Variants in AKAP6 observed in about 807,000 individuals in gnomAD.
AKAP6 encodes the protein A-kinase anchoring protein 6, also known as A-kinase anchor protein 6.
In AKAP6, 58 loss-of-function variants were observed where a neutral mutation model predicts 188.5. The observed-to-expected ratio is 0.31, with a 90% confidence interval of 0.25 to 0.38. AKAP6 has a LOEUF of 0.38. Among genes scored for constraint, AKAP6 ranks in the 10% least tolerant of loss-of-function variants. The pLI is 1.00. For synonymous variants in AKAP6, 989 were observed against 998.6 expected (o/e 0.99, Z 0.18); for missense variants, 2,710 against 2,740.0 (o/e 0.99, Z 0.24).
intron 1 of AKAP6, among the ~76,000 whole-genome samples, chr14:32,345,501 G>A (rs1384443383): frequency 1.3e-5 from 2 of 152,220 alleles, no homozygotes; most frequent in African/African-American, 4.8e-5. Context: ...CCTCAGACAT[G>A]TTTGGGCATG....
chr14:32,516,508 A>C (rs1881527819), intron 2 of AKAP6, among the ~76,000 whole-genome samples: 1 of 152,174 alleles, frequency 6.6e-6, no homozygotes, highest in African/African-American at 2.4e-5. Context: ...GTTTCTTATA[A>C]ATACCTGTCC....
intron 9 of AKAP6, 58 bp downstream of exon 9, chr14:32,696,168 G>GTC (rs902218368): frequency 4.8e-4 from 719 of 1,512,176 alleles, no homozygotes; most frequent in South Asian, 6.7e-4. Context: ...AGCCTGACAA[G>GTC]TCTCTCTCTC....
chr14:32,414,265 G>C (rs898448973), intron 1 of AKAP6, among the ~76,000 whole-genome samples: 1 of 152,022 alleles, frequency 6.6e-6, no homozygotes. Context: ...GTTCCCCAAA[G>C]TGTATACCAG....
At chr14:32,524,258 G>A (rs944783626) in intron 2 of AKAP6, among the ~76,000 whole-genome samples, 1 of 152,108 alleles carries the variant, frequency 6.6e-6, no homozygotes, top group South Asian at 2.1e-4. Context: ...AATGATTGCT[G>A]TGCAAATCAG....
chr14:32,391,679 C>A (rs114354182), intron 1 of AKAP6, among the ~76,000 whole-genome samples: 182 of 152,248 alleles, frequency 1.2e-3, no homozygotes, highest in Middle Eastern at 6.8e-3. Context: ...GTGTGTGGAA[C>A]CTCTAACCCC....
chr14:32,747,288 C>T (rs2031950957), intron 11 of AKAP6, among the ~76,000 whole-genome samples: 1 of 152,140 alleles, frequency 6.6e-6, no homozygotes, highest in Admixed American at 6.5e-5. Context: ...AGCCATGATT[C>T]CTACAGGTGC....
rs1283926019 is a variant in AKAP6 at position 32,822,851 on chromosome 14, A to G, written c.5038A>G (p.Ile1680Val). 1 of 1,613,842 alleles carries G rather than the reference A, an allele frequency of 6.2e-7. No individual in the cohort carries two copies. The highest frequency in any genetic ancestry group is 8.5e-7 in the Non-Finnish European group (1 of 1,179,918). ...GQMSLDIASS[I>V]NEDSAASLTE... ...GATGTCATTGGACATAGCATCTTCT[A>G]TCAATGAAGACTCAGCGGCATCTCT... The change falls in exon 13 of 14, where the codon ATC becomes GTC. Residue 1680 changes from isoleucine to valine, a missense_variant. Transcript: ENST00000280979.
intron 8 of AKAP6, among the ~76,000 whole-genome samples, chr14:32,684,569 C>G (rs1889826403): frequency 6.6e-6 from 1 of 152,120 alleles, no homozygotes; most frequent in South Asian, 2.1e-4. Context: ...CATGCATTCA[C>G]TGTAGTCTAA....
At chr14:32,827,634 G>A (rs1426529964) in intron 13 of AKAP6, among the ~76,000 whole-genome samples, 1 of 152,170 alleles carries the variant, frequency 6.6e-6, no homozygotes, top group South Asian at 2.1e-4. Flanking sequence ...AAATAGAGGG[G>A]TCAGTTACAG....
intron 12 of AKAP6, among the ~76,000 whole-genome samples, chr14:32,791,510 G>A (rs2033609479): frequency 6.7e-6 from 1 of 150,300 alleles, no homozygotes; most frequent in Admixed American, 6.6e-5. Flanking sequence ...TGTAGATTCT[G>A]GGTATTAGCC....
rs146453517 is a variant in AKAP6 at position 32,568,626 on chromosome 14, A to G, written c.2347-8494A>G. Among the ~76,000 whole-genome samples the G allele has an allele frequency of 4.6e-5, 7 of 152,310 alleles. No homozygotes were observed. Among genetic ancestry groups the G allele is most frequent in the African/African-American group, 1.4e-4 (6 of 41,570 alleles). On this transcript the variant is annotated intron_variant, in intron 4 of 13. Transcript: ENST00000280979. The surrounding 1 kb of genome is among the most constrained non-coding windows in gnomAD (Gnocchi z 6.2). Reference sequence around the variant, plus strand: ...GGGTGCTTGAAGCAAGGTCTCACCTAGAGCAAGTCTGCCAAGCTTTGGGGC... The same window carrying G: ...GGGTGCTTGAAGCAAGGTCTCACCTGGAGCAAGTCTGCCAAGCTTTGGGGC...
At chr14:32,364,820 C>T (rs188508540) in intron 1 of AKAP6, among the ~76,000 whole-genome samples, 116 of 152,248 alleles carry the variant, frequency 7.6e-4, no homozygotes, top group Non-Finnish European at 1.5e-3. Flanking sequence ...AACAGCAAAT[C>T]GTGACAGCCA....
intron 9 of AKAP6, among the ~76,000 whole-genome samples, chr14:32,728,981 C>T (rs1040596262): frequency 9.9e-5 from 15 of 152,056 alleles, no homozygotes; most frequent in East Asian, 1.9e-4. Context: ...AAGATTCACT[C>T]GGTAGAGTCT....
At chr14:32,615,638 C>T (rs1412679605) in intron 7 of AKAP6, among the ~76,000 whole-genome samples, 3 of 143,322 alleles carry the variant, frequency 2.1e-5, no homozygotes, top group African/African-American at 8.4e-5. Flanking sequence ...CTCTGTCACC[C>T]AGGCTGGAGT....
chr14:32,434,364 A>C (rs1594609704), intron 2 of AKAP6, among the ~76,000 whole-genome samples: 1 of 152,370 alleles, frequency 6.6e-6, no homozygotes, highest in Middle Eastern at 3.4e-3. Flanking sequence ...GACATTTAAA[A>C]AAAAAGTCTG....
intron 12 of AKAP6, among the ~76,000 whole-genome samples, chr14:32,816,189 T>C (rs1244174300): frequency 6.6e-6 from 1 of 152,116 alleles, no homozygotes; most frequent in Non-Finnish European, 1.5e-5. Context: ...TGCTCTTATA[T>C]GGTTTGTTTG....
rs565908582 is a variant in AKAP6 at position 32,443,413 on chromosome 14, A to C, written c.324+9596A>C. On this transcript the variant is annotated intron_variant, in intron 2 of 13. Coordinates refer to ENST00000280979, the MANE Select transcript of AKAP6 (RefSeq NM_004274.5). ...ATCTCAAAACAAAACAAAACAAAAAAAAAACAAAAAAACAAAAAAACCCCA... is the reference window on the plus strand; with the variant it reads ...ATCTCAAAACAAAACAAAACAAAAACAAAACAAAAAAACAAAAAAACCCCA... 3.9e-4 allele frequency among the ~76,000 whole-genome samples: 59 copies of C among 151,714 alleles called. No homozygotes were observed. In the South Asian group the frequency reaches 5.0e-3, roughly 13 times the overall value.
chr14:32,732,740 T>G, intron 10 of AKAP6, 140 bp downstream of exon 10: 1 of 993,176 alleles, frequency 1.0e-6, no homozygotes, highest in Non-Finnish European at 1.5e-6. Flanking sequence ...CTATTCATGC[T>G]ATTATGGGAA....
chr14:32,678,575 A>C, intron 8 of AKAP6, 116 bp downstream of exon 8: 1 of 1,154,488 alleles, frequency 8.7e-7, no homozygotes, highest in Non-Finnish European at 1.2e-6. Flanking sequence ...GGAGAAGCTC[A>C]GTAGACTAGG....
Sources: gnomAD v4.1 joint callset for allele counts (sites outside exome capture counted in the v4.1 genomes callset) on GRCh38, gnomAD v4.1.1 for gene constraint, Gnocchi (gnomAD v3.1) non-coding constraint, MANE v1.5 for transcripts, NCBI Gene and HGNC (gene_info 2026-07-23, HGNC 2026-07-21) for gene names.